Variants in GRIN3A observed in about 807,000 individuals in gnomAD.
GRIN3A encodes the protein glutamate ionotropic receptor NMDA type subunit 3A.
Under a neutral mutation model 92.4 loss-of-function variants are expected in GRIN3A, and 47 were observed. The ratio of observed to expected loss-of-function variants is 0.51; its 90% CI spans 0.40 to 0.65. The LOEUF (loss-of-function observed/expected upper bound fraction) is 0.65, where lower values mean the gene tolerates loss of function less well. Among genes scored for constraint, GRIN3A ranks in the 30% least tolerant of loss-of-function variants. The pLI is 0.00. For missense variants in GRIN3A, 1,324 were observed against 1,393.1 expected (o/e 0.95, Z 0.79); for synonymous variants, 527 against 540.6 (o/e 0.97, Z 0.35).
rs772896383 is a variant in GRIN3A, at chr9:101,628,217, G to A, written c.2498+39C>T. ...TCAGTAGCTAAATTACTTCTCTTCA[G>A]TGAGAATTTTTCTTTGGATCCAAGA... On this transcript the variant is annotated intron_variant, in intron 4 of 8. Coordinates refer to ENST00000361820, the MANE Select transcript of GRIN3A (RefSeq NM_133445.3). 4 of 1,609,062 alleles carry A rather than the reference G, an allele frequency of 2.5e-6. No homozygotes were observed. The East Asian group carries it at 6.7e-5, about 27-fold the overall frequency.
intron 2 of GRIN3A, among the ~76,000 whole-genome samples, chr9:101,680,712 G>A (rs1411979339): frequency 6.6e-6 from 1 of 152,188 alleles, no homozygotes; most frequent in Non-Finnish European, 1.5e-5. Context: ...GGGGTTGCTA[G>A]CTTCCTGACA....
chr9:101,674,820 G>A (rs757393112), intron 2 of GRIN3A, among the ~76,000 whole-genome samples: 5 of 152,022 alleles, frequency 3.3e-5, no homozygotes, highest in Non-Finnish European at 1.5e-5. Flanking sequence ...GAGGTAGTAA[G>A]CATAATAATC....
intron 3 of GRIN3A, among the ~76,000 whole-genome samples, chr9:101,665,430 G>A (rs4743482): frequency 0.071 from 10,821 of 151,898 alleles, 514 homozygotes; most frequent in East Asian, 0.22. Context: ...GAGCATTAAC[G>A]GGGAAGCACA....
At chr9:101,634,089 T>C (rs1828748271) in intron 3 of GRIN3A, among the ~76,000 whole-genome samples, 1 of 152,050 alleles carries the variant, frequency 6.6e-6, no homozygotes, top group Admixed American at 6.5e-5. Context: ...ATCCCAGCAC[T>C]TTGGGAGGCC....
At chr9:101,638,468 T>A (rs1322463497) in intron 3 of GRIN3A, among the ~76,000 whole-genome samples, 1 of 152,176 alleles carries the variant, frequency 6.6e-6, no homozygotes, top group Non-Finnish European at 1.5e-5. Flanking sequence ...TTATTGAAAA[T>A]CCTCTTCAAA....
chr9:101,586,997 T>A (rs1332707226), intron 6 of GRIN3A, among the ~76,000 whole-genome samples: 1 of 152,144 alleles, frequency 6.6e-6, no homozygotes, highest in East Asian at 1.9e-4. Flanking sequence ...ATTCTTTTGA[T>A]AGGTTTTGCT....
In GRIN3A at chr9:101,579,176, A is replaced by G. The variant is rs779931587; in HGVS notation, c.2931+20T>C. 6.8e-6 allele frequency: 11 copies of G among 1,612,874 alleles called. No individual in the cohort carries two copies. Among genetic ancestry groups the G allele is most frequent in the Non-Finnish European group, 9.3e-6 (11 of 1,179,360 alleles). Reference sequence around the variant, plus strand: ...TTGTACAGTTTAAGAATATTGGAGCAAGACACCTGTGGCACTCACCTGGCT... The same window carrying G: ...TTGTACAGTTTAAGAATATTGGAGCGAGACACCTGTGGCACTCACCTGGCT... On this transcript the variant is annotated intron_variant, in intron 7 of 8. Coordinates refer to ENST00000361820, the MANE Select transcript of GRIN3A (RefSeq NM_133445.3).
intron 3 of GRIN3A, among the ~76,000 whole-genome samples, chr9:101,651,847 A>G (rs1348931464): frequency 2.6e-5 from 4 of 152,044 alleles, no homozygotes; most frequent in South Asian, 2.1e-4. Flanking sequence ...TAAATCCTGA[A>G]TGCTATAAAT....
intron 3 of GRIN3A, among the ~76,000 whole-genome samples, chr9:101,638,022 C>T (rs371909561): frequency 2.0e-5 from 3 of 152,254 alleles, no homozygotes; most frequent in East Asian, 3.9e-4. Flanking sequence ...AACATGCACC[C>T]CATCTACTAT....
rs541478362 is a variant in GRIN3A at position 101,577,658 on chromosome 9, A to T, written c.3008+110T>A. Reference sequence around the variant, plus strand: ...TTTTATGTTTTATTTCCCTCTATTTATACTGATTCTTTTGATAAATTGCCC... The same window carrying T: ...TTTTATGTTTTATTTCCCTCTATTTTTACTGATTCTTTTGATAAATTGCCC... On this transcript the variant is annotated intron_variant, in intron 8 of 8. Coordinates refer to ENST00000361820, the MANE Select transcript of GRIN3A (RefSeq NM_133445.3). The T allele has an allele frequency of 4.6e-5, 39 of 844,498 alleles. No homozygotes were observed. In the South Asian group the frequency reaches 5.1e-4, roughly 11 times the overall value. The allele number at this position is 844,498 out of a possible 1,614,324, so 52.3% of individuals were successfully genotyped here.
intron 3 of GRIN3A, among the ~76,000 whole-genome samples, chr9:101,648,353 T>C (rs7047153): frequency 0.089 from 13,491 of 152,062 alleles, 865 homozygotes; most frequent in East Asian, 0.22. Flanking sequence ...ATTTCTAAAA[T>C]TTTGTTGACT....
rs1829296517 is a variant in GRIN3A, at chr9:101,670,091, T to C, written c.2321A>G (p.Tyr774Cys). The C allele has an allele frequency of 7.4e-6, 12 of 1,613,646 alleles. No homozygotes were observed. Among genetic ancestry groups the C allele is most frequent in the African/African-American group, 1.3e-5 (1 of 74,890 alleles). Residue 774 changes from tyrosine to cysteine, a missense_variant, in exon 3 of 9, where the codon TAT (tyrosine) becomes TGT (cysteine). Tyr to Cys is a radical substitution (Grantham distance 194). Coordinates refer to ENST00000361820, the MANE Select transcript of GRIN3A (RefSeq NM_133445.3). ...GTCATGTATTCCAGAAAGCTCTTCA[T>C]AGATCTTCTCACCTACCATGACAGC... ...LAAVMVGEKIYEELSGIHDPK... is the reference protein window; with the variant it reads ...LAAVMVGEKICEELSGIHDPK...
chr9:101,640,032 T>C (rs1588261824), intron 3 of GRIN3A, among the ~76,000 whole-genome samples: 1 of 152,220 alleles, frequency 6.6e-6, no homozygotes, highest in South Asian at 2.1e-4. Context: ...GAGTGAGCCA[T>C]TATTATGGAG....
In GRIN3A at chr9:101,679,314, G is replaced by A. The variant is rs371217061; in HGVS notation, c.1304+7282C>T. Among the ~76,000 whole-genome samples the A allele has an allele frequency of 3.2e-4, 49 of 152,102 alleles. 1 individual carries two copies. The South Asian group carries it at 6.9e-3, about 21-fold the overall frequency. On this transcript the variant is annotated intron_variant, in intron 2 of 8. Coordinates refer to ENST00000361820, the MANE Select transcript of GRIN3A (RefSeq NM_133445.3). ...TCAACCAAGAATACAGTTCCTTCTC[G>A]GGCACATAAAAGCTTGGAAGCTCTC...
intron 2 of GRIN3A, among the ~76,000 whole-genome samples, chr9:101,683,041 C>G (rs960460381): frequency 1.3e-5 from 2 of 152,198 alleles, no homozygotes; most frequent in East Asian, 3.8e-4. Context: ...TGTTGAAGAT[C>G]ATGCTATGAA....
intron 6 of GRIN3A, among the ~76,000 whole-genome samples, chr9:101,609,454 G>T (rs942141): frequency 0.46 from 70,439 of 152,038 alleles, 17,170 homozygotes; most frequent in African/African-American, 0.63. Context: ...AGACTCAGAC[G>T]TAAGAGCAGT....
At chr9:101,579,383 A>C in intron 6 of GRIN3A, 23 bp from the exon 7 acceptor site, 1 of 1,613,142 alleles carries the variant, frequency 6.2e-7, no homozygotes, top group Non-Finnish European at 8.5e-7. Context: ...AGGAAAGAAA[A>C]GGCCATGAAT....
intron 6 of GRIN3A, among the ~76,000 whole-genome samples, chr9:101,581,230 G>A (rs1476489032): frequency 6.6e-6 from 1 of 152,174 alleles, no homozygotes; most frequent in Non-Finnish European, 1.5e-5. Context: ...AGACAGGCAG[G>A]ATGGGGAGGT....
intron 3 of GRIN3A, among the ~76,000 whole-genome samples, chr9:101,660,440 T>C (rs956076586): frequency 5.9e-5 from 9 of 151,818 alleles, no homozygotes; most frequent in Non-Finnish European, 8.8e-5. Flanking sequence ...TCTGCTTCAA[T>C]AGATGTCATA....
Sources: gnomAD v4.1 joint callset for allele counts (sites outside exome capture counted in the v4.1 genomes callset) on GRCh38, gnomAD v4.1.1 for gene constraint, MANE v1.5 for transcripts, NCBI Gene and HGNC (gene_info 2026-07-23, HGNC 2026-07-21) for gene names.